SEMA4B: variants seen among roughly 807,000 people sequenced by gnomAD.
SEMA4B encodes the protein semaphorin-4B.
A neutral mutation model predicts 88.1 loss-of-function variants in SEMA4B; 55 were observed. The observed-to-expected ratio is 0.62, with a 90% confidence interval of 0.50 to 0.78. The LOEUF is 0.78. SEMA4B is among the 30% of genes least tolerant of loss of function. The pLI is 0.00. For synonymous variants in SEMA4B, 525 were observed against 473.6 expected (o/e 1.11, Z -1.41); for missense variants, 1,062 against 1,111.9 (o/e 0.96, Z 0.64).
Position 90,201,608 on chromosome 15 carries a change from C to T in SEMA4B, c.30C>T (p.Ser10=). 2.0e-6 allele frequency: 3 copies of T among 1,518,282 alleles called. No individual in the cohort carries two copies. The highest frequency in any genetic ancestry group is 2.6e-6 in the Non-Finnish European group (3 of 1,140,830). The allele number at this position is 1,518,282 out of a possible 1,614,324, so 94.1% of individuals were successfully genotyped here. A position where few individuals can be genotyped will look rare whatever the true frequency, so the allele number is the denominator to read the frequency against. Reference sequence around the variant, plus strand: ...TGCGCACCGCGATGGGCCTGAGGAGCTGGCTCGCCGCCCCATGGGGCGCGC... The same window carrying T: ...TGCGCACCGCGATGGGCCTGAGGAGTTGGCTCGCCGCCCCATGGGGCGCGC... MLRTAMGLR[S]WLAAPWGALP... The change falls in exon 1 of 14, where the codon AGC becomes AGT. Residue 10 remains serine (S), a synonymous_variant. Transcript: ENST00000411539.
At position 90,201,669 on chromosome 15, in the gene SEMA4B, C is replaced by T. The variant is rs1177626061; in HGVS notation, c.91C>T (p.Leu31=). 2 of 1,515,180 alleles carry T rather than the reference C, an allele frequency of 1.3e-6. No individual in the cohort carries two copies. The highest frequency in any genetic ancestry group is 1.4e-5 in the African/African-American group (1 of 70,016). 93.9% of individuals were successfully genotyped at this position (1,515,180 alleles called of 1,614,324 possible). The change falls in exon 1 of 14, where the codon CTG becomes TTG. Residue 31 remains leucine (L), a synonymous_variant. Coordinates refer to ENST00000411539, the MANE Select transcript of SEMA4B (RefSeq NM_198925.4). ...GCCACCGCTGCTGCTGCTCCTGCTG[C>T]TGCTGCTCCTGCTGCAGCCGCCGCC... is the stretch of plus-strand genomic sequence containing the variant. The part of the protein sequence containing the change: ...PRPPLLLLLL[L]LLLLQPPPPT...
At chr15:90,218,067 A>G in intron 3 of SEMA4B, 1 of 485,736 alleles carries the variant, frequency 2.1e-6, no homozygotes, top group South Asian at 2.2e-5. Flanking sequence ...AATGGGGATA[A>G]TGATCCGGTC....
In SEMA4B at chr15:90,227,904, GGGA is replaced by G; in HGVS notation, c.1777_1779del (p.Glu593del). ...TACCCCATGCCTTTTCTGCCTACAG[GGGA>G]GAAGCCATGTGAGCAAGTCCAGTTC... On this transcript the variant is annotated inframe_deletion and splice_region_variant, in exon 14 of 14. Coordinates refer to ENST00000411539, the MANE Select transcript of SEMA4B (RefSeq NM_198925.4). 3 of 1,610,988 alleles carry G rather than the reference GGGA, an allele frequency of 1.9e-6. No individual in the cohort carries two copies. Among genetic ancestry groups the G allele is most frequent in the Non-Finnish European group, 2.5e-6 (3 of 1,179,814 alleles).
rs960744368 is a variant in SEMA4B at position 90,221,653 on chromosome 15, T to G, written c.749T>G (p.Leu250Arg). ...GCCTCAGCCTACATTCCTGAGAGCC[T>G]GGGCAGCTTGCAAGGCGATGATGAC... The part of the protein sequence containing the change: ...FVASAYIPES[L>R]GSLQGDDDKI... The change falls in exon 7 of 14, where the codon CTG becomes CGG. Residue 250 changes from leucine (L) to arginine (R), a missense_variant. Transcript: ENST00000411539. 13 of 1,613,934 alleles carry G rather than the reference T, an allele frequency of 8.1e-6. No homozygotes were observed. Among genetic ancestry groups the G allele is most frequent in the Non-Finnish European group, 1.1e-5 (13 of 1,179,908 alleles).
chr15:90,201,260 G>A, upstream of SEMA4B: 1 of 1,039,826 alleles, frequency 9.6e-7, no homozygotes, highest in Non-Finnish European at 1.2e-6. Flanking sequence ...CGCCCGGGAA[G>A]GAGGAAGGGG....
chr15:90,221,507 G>C (rs1440951834), intron 6 of SEMA4B, 27 bp downstream of exon 6: 3 of 1,606,180 alleles, frequency 1.9e-6, no homozygotes, highest in African/African-American at 2.7e-5. Context: ...ACCACCCAGA[G>C]GGCAGGGATC....
rs2151627293 is a variant in SEMA4B at position 90,225,786 on chromosome 15, C to G, written c.1647C>G (p.Ser549Arg). 1 of 1,561,240 alleles carries G rather than the reference C, an allele frequency of 6.4e-7. No homozygotes were observed. Among genetic ancestry groups the G allele is most frequent in the South Asian group, 1.2e-5 (1 of 84,958 alleles). ...CCTACTGTGCTTGGAGCGGCTCCAG[C>G]TGCAAGCACGTCAGCCTCTACCAGC... ...RDPYCAWSGS[S>R]CKHVSLYQPQ... Residue 549 changes from serine (S) to arginine (R), a missense_variant, in exon 12 of 14, where the codon AGC (serine) becomes AGG (arginine). Ser to Arg is a moderately radical substitution (Grantham distance 110). Transcript: ENST00000411539.
chr15:90,219,703 C>T (rs561005384), intron 3 of SEMA4B, 90 bp from the exon 4 acceptor site: 82 of 965,794 alleles, frequency 8.5e-5, no homozygotes, highest in Middle Eastern at 2.5e-4. Context: ...GAGCAGAGGC[C>T]GGGCCTGGGT....
upstream of SEMA4B, among the ~76,000 whole-genome samples, chr15:90,199,853 A>G (rs1322390113): frequency 1.3e-5 from 2 of 149,824 alleles, no homozygotes; most frequent in Non-Finnish European, 1.5e-5. Context: ...GGCCTTTTGG[A>G]GTTAAGGGCT....
At chr15:90,219,423 C>T (rs993547073) in intron 3 of SEMA4B, 5 of 195,288 alleles carry the variant, frequency 2.6e-5, no homozygotes, top group African/African-American at 9.3e-5. Flanking sequence ...GCTGAGCAGT[C>T]CTCCTGCTCT....
chr15:90,217,992 C>G, intron 3 of SEMA4B, 163 bp downstream of exon 3: 1 of 606,200 alleles, frequency 1.6e-6, no homozygotes, highest in Admixed American at 2.8e-5. Flanking sequence ...CAGCACTACA[C>G]TTACATCGCT....
In SEMA4B at chr15:90,201,544, C is replaced by G. The variant is rs748984820; in HGVS notation, c.-35C>G. 1,610 of 1,423,346 alleles carry G rather than the reference C, an allele frequency of 1.1e-3. 1 individual carries two copies. Among genetic ancestry groups the G allele is most frequent in the Non-Finnish European group, 1.4e-3 (1,525 of 1,092,818 alleles). The allele number at this position is 1,423,346 out of a possible 1,614,324, so 88.2% of individuals were successfully genotyped here. A position where few individuals can be genotyped will look rare whatever the true frequency, so the allele number is the denominator to read the frequency against. Reference sequence around the variant, plus strand: ...GTGAGTCCGGCCGAGCCACCTGAGCCCGAGCCGCGGGACACCGTCGCTCCT... The same window carrying G: ...GTGAGTCCGGCCGAGCCACCTGAGCGCGAGCCGCGGGACACCGTCGCTCCT... On this transcript the variant is annotated 5_prime_UTR_variant, in exon 1 of 14. Transcript: ENST00000411539.
chr15:90,219,750 T>G, intron 3 of SEMA4B, 43 bp from the exon 4 acceptor site: 1 of 1,526,088 alleles, frequency 6.6e-7, no homozygotes, highest in Non-Finnish European at 9.0e-7. Context: ...CCTGGTGGCA[T>G]GCTTGGGCGT....
At chr15:90,215,334 A>C (rs59360842) in intron 1 of SEMA4B, among the ~76,000 whole-genome samples, 1,719 of 152,110 alleles carry the variant, frequency 0.011, 36 homozygotes, top group African/African-American at 0.039. Flanking sequence ...CTGTAATTCT[A>C]CCAGGGAGCC....
In SEMA4B at chr15:90,227,983, G is replaced by A. The variant is rs375592381; in HGVS notation, c.1854G>A (p.Ala618=). The A allele has an allele frequency of 8.9e-5, 143 of 1,613,666 alleles. No homozygotes were observed. The highest frequency in any genetic ancestry group is 1.1e-4 in the Non-Finnish European group (131 of 1,179,872). Residue 618 remains alanine, a synonymous_variant, in exon 14 of 14, where the codon GCG becomes GCA. Transcript: ENST00000411539. ...CCTGCCCGCTCCTCTCCAACCTGGCGACCCGACTCTGGCTACGCAACGGGG... is the reference window on the plus strand; with the variant it reads ...CCTGCCCGCTCCTCTCCAACCTGGCAACCCGACTCTGGCTACGCAACGGGG... ...TLACPLLSNL[A]TRLWLRNGAP...
chr15:90,208,610 T>G (rs1036730532), intron 1 of SEMA4B, among the ~76,000 whole-genome samples: 7 of 152,214 alleles, frequency 4.6e-5, no homozygotes, highest in African/African-American at 1.7e-4. Context: ...TGTTCGGGGT[T>G]GCACAGTGGG....
At chr15:90,190,231 C>A in intron 1 of SEMA4B, 1 of 152,384 alleles carries the variant, frequency 6.6e-6, no homozygotes. Context: ...TGAGTGTTGT[C>A]TCCTAATACC....
At chr15:90,214,104 G>A (rs931787036) in intron 1 of SEMA4B, among the ~76,000 whole-genome samples, 1 of 152,210 alleles carries the variant, frequency 6.6e-6, no homozygotes, top group African/African-American at 2.4e-5. Flanking sequence ...CACTTTGGGA[G>A]GCTGAGGCAG....
At chr15:90,220,054 A>C in intron 4 of SEMA4B, 163 bp downstream of exon 4, 1 of 563,930 alleles carries the variant, frequency 1.8e-6, no homozygotes, top group East Asian at 3.1e-5. Context: ...ACACCCTGGC[A>C]CAAAGCGCAG....
Sources: gnomAD v4.1 joint callset for allele counts (sites outside exome capture counted in the v4.1 genomes callset) on GRCh38, gnomAD v4.1.1 for gene constraint, MANE v1.5 for transcripts, NCBI Gene and HGNC (gene_info 2026-07-23, HGNC 2026-07-21) for gene names.